RPTOR: variants seen among roughly 807,000 people sequenced by gnomAD.
RPTOR encodes regulatory-associated protein of mTOR.
In RPTOR, 21 loss-of-function variants were observed where a neutral mutation model predicts 169.9. The ratio of observed to expected loss-of-function variants is 0.12; its 90% confidence interval spans 0.09 to 0.18. The LOEUF (loss-of-function observed/expected upper bound fraction) is 0.18, where lower values mean the gene tolerates loss of function less well. Among genes scored for constraint, RPTOR ranks in the 10% least tolerant of loss-of-function variants. RPTOR has a pLI of 1.00. For synonymous variants in RPTOR, 732 were observed against 753.2 expected, an observed-to-expected ratio of 0.97 and a Z score of 0.46; for missense variants, 1,133 against 1,855.9, an observed-to-expected ratio of 0.61 and a Z score of 7.16.
At chr17:80,831,627 C>T (rs1479884599) in intron 9 of RPTOR, among the ~76,000 whole-genome samples, 3 of 152,234 alleles carry the variant, frequency 2.0e-5, no homozygotes, top group Non-Finnish European at 4.4e-5. Context: ...GATGTCAGAT[C>T]TCTGATGACA....
intron 7 of RPTOR, among the ~76,000 whole-genome samples, chr17:80,797,982 G>A (rs901159595): frequency 6.6e-6 from 1 of 152,174 alleles, no homozygotes; most frequent in Non-Finnish European, 1.5e-5. Flanking sequence ...TGATGAATGC[G>A]GCCCCTGTGT....
intron 1 of RPTOR, among the ~76,000 whole-genome samples, chr17:80,617,015 C>G (rs1173574077): frequency 6.6e-6 from 1 of 152,274 alleles, no homozygotes; most frequent in East Asian, 1.9e-4. Context: ...TATAGACATA[C>G]ATGCACAACC....
intron 6 of RPTOR, among the ~76,000 whole-genome samples, chr17:80,778,239 A>G (rs1483494407): frequency 6.6e-6 from 1 of 152,210 alleles, no homozygotes. Flanking sequence ...CCTGATGTTA[A>G]TGACAGATAA....
intron 10 of RPTOR, among the ~76,000 whole-genome samples, chr17:80,841,411 A>C (rs1484833996): frequency 7.9e-6 from 1 of 127,030 alleles, no homozygotes; most frequent in Non-Finnish European, 1.6e-5. Flanking sequence ...ACGGCAGCTC[A>C]CACTCACCAC....
At chr17:80,961,521 A>T in intron 31 of RPTOR, 41 bp downstream of exon 31, 1 of 1,531,570 alleles carries the variant, frequency 6.5e-7, no homozygotes, top group Non-Finnish European at 8.8e-7. Context: ...TGCTGTAAAA[A>T]CATTATTTTC....
chr17:80,888,835 G>T (rs1365188955), intron 17 of RPTOR, among the ~76,000 whole-genome samples: 1 of 152,238 alleles, frequency 6.6e-6, no homozygotes, highest in Non-Finnish European at 1.5e-5. Flanking sequence ...TGGGGGAGGG[G>T]CTGGGTGTGA....
At chr17:80,876,171 C>T (rs528593991) in intron 13 of RPTOR, among the ~76,000 whole-genome samples, 3 of 125,380 alleles carry the variant, frequency 2.4e-5, no homozygotes, top group South Asian at 2.8e-4. Flanking sequence ...GCCCGTGCCA[C>T]GCAGGGTGTG....
At chr17:80,876,631 T>C (rs12951912) in intron 13 of RPTOR, among the ~76,000 whole-genome samples, 166 of 100,028 alleles carry the variant, frequency 1.7e-3, no homozygotes, top group Middle Eastern at 6.5e-3. Flanking sequence ...TGTCGCCTGC[T>C]GGGTCTTCAC....
chr17:80,607,210 A>G (rs1227165147), intron 1 of RPTOR, among the ~76,000 whole-genome samples: 1 of 152,094 alleles, frequency 6.6e-6, no homozygotes, highest in African/African-American at 2.4e-5. Context: ...AAGTGCTGGG[A>G]TTATAGGCGT....
At chr17:80,847,001 G>GAA (rs2067738672) in intron 11 of RPTOR, among the ~76,000 whole-genome samples, 1 of 152,276 alleles carries the variant, frequency 6.6e-6, no homozygotes, top group African/African-American at 2.4e-5. Flanking sequence ...GGGAAGGACA[G>GAA]GAGATGGCAG....
intron 3 of RPTOR, among the ~76,000 whole-genome samples, chr17:80,660,749 A>T (rs1354978009): frequency 6.6e-6 from 1 of 152,166 alleles, no homozygotes; most frequent in Non-Finnish European, 1.5e-5. Context: ...CTCAATGGTA[A>T]CTGACTGCTG....
intron 1 of RPTOR, among the ~76,000 whole-genome samples, chr17:80,618,790 G>C (rs1242624681): frequency 6.6e-6 from 1 of 152,212 alleles, no homozygotes; most frequent in African/African-American, 2.4e-5. Flanking sequence ...TATAAAAATA[G>C]AGAGTCTCCC....
chr17:80,954,683 G>A (rs992565151), intron 28 of RPTOR, among the ~76,000 whole-genome samples: 15 of 152,208 alleles, frequency 9.9e-5, no homozygotes, highest in South Asian at 4.1e-4. Flanking sequence ...CCCAGAAGCC[G>A]AGGCAGATGG....
intron 2 of RPTOR, among the ~76,000 whole-genome samples, chr17:80,640,657 C>T (rs144259815): frequency 3.3e-5 from 5 of 152,278 alleles, no homozygotes; most frequent in East Asian, 1.9e-4. Flanking sequence ...TAACGAGGGC[C>T]GCCATGTCTC....
intron 2 of RPTOR, among the ~76,000 whole-genome samples, chr17:80,627,734 T>G (rs2065406746): frequency 6.6e-6 from 1 of 152,242 alleles, no homozygotes; most frequent in Admixed American, 6.5e-5. Context: ...TTGGCAATTA[T>G]GAATAAAATT....
intron 1 of RPTOR, among the ~76,000 whole-genome samples, chr17:80,611,769 T>A (rs12450985): frequency 0.22 from 31,289 of 142,656 alleles, 3,433 homozygotes; most frequent in East Asian, 0.3. Context: ...TTTTTTTTTT[T>A]AAAAAAAACA....
rs561192941 is a variant in RPTOR at position 80,847,563 on chromosome 17, A to C, written c.1314+989A>C. On this transcript the variant is annotated intron_variant, in intron 11 of 33. Transcript: ENST00000306801. Reference sequence around the variant, plus strand: ...GTTGGACTTTGGCGAGGAGCTGTGCATGGCCGTGGGGAGGGGCTGCCCAGC... The same window carrying C: ...GTTGGACTTTGGCGAGGAGCTGTGCCTGGCCGTGGGGAGGGGCTGCCCAGC... Among the ~76,000 whole-genome samples, 7 of 152,334 alleles carry C rather than the reference A, an allele frequency of 4.6e-5. No individual in the cohort carries two copies. The South Asian group carries it at 1.4e-3, about 32-fold the overall frequency.
chr17:80,560,342 A>C (rs2143249971), intron 1 of RPTOR, among the ~76,000 whole-genome samples: 1 of 152,238 alleles, frequency 6.6e-6, no homozygotes, highest in Non-Finnish European at 1.5e-5. Flanking sequence ...TGATGTATAG[A>C]ATTTAGTCAT....
intron 1 of RPTOR, among the ~76,000 whole-genome samples, chr17:80,605,107 C>T (rs897927867): frequency 3.3e-5 from 5 of 152,138 alleles, no homozygotes; most frequent in East Asian, 1.9e-4. Context: ...ACGGTTAAGA[C>T]GATCCATGTC....
Sources: allele counts gnomAD v4.1 joint callset (sites outside exome capture counted in the v4.1 genomes callset), GRCh38; gene constraint gnomAD v4.1.1; transcripts MANE v1.5; gene names NCBI Gene and HGNC (gene_info 2026-07-23, HGNC 2026-07-21).